Variants in CNTNAP5 observed in about 807,000 individuals in gnomAD.
The protein encoded by CNTNAP5 is contactin associated protein family member 5.
Under a neutral mutation model 150.2 loss-of-function variants are expected in CNTNAP5, and 72 were observed. The ratio of observed to expected loss-of-function variants is 0.48; its 90% CI spans 0.40 to 0.58. CNTNAP5 has a LOEUF of 0.58. Among genes scored for constraint, CNTNAP5 ranks in the 20% least tolerant of loss-of-function variants. CNTNAP5 has a pLI of 0.00. For synonymous variants in CNTNAP5, 672 were observed against 619.8 expected (o/e 1.08, Z -1.25); for missense variants, 1,636 against 1,626.2 (o/e 1.01, Z -0.10).
At chr2:124,542,236 C>G (rs2104907408) in intron 10 of CNTNAP5, among the ~76,000 whole-genome samples, 1 of 150,238 alleles carries the variant, frequency 6.7e-6, no homozygotes, top group Non-Finnish European at 1.5e-5. Flanking sequence ...CTATTTTTAC[C>G]TCCTACTATA....
intron 10 of CNTNAP5, among the ~76,000 whole-genome samples, chr2:124,541,179 A>ATTTTTTTTTTTTGTTTTTTTTT (rs1695374130): frequency 1.2e-5 from 1 of 83,082 alleles, no homozygotes; most frequent in Non-Finnish European, 2.3e-5. Context: ...CAAAATTCCG[A>ATTTTTTTTTTTTGTTTTTTTTT]TTTTTTTTTT....
At chr2:124,248,229 C>T (rs1191366609) in intron 3 of CNTNAP5, among the ~76,000 whole-genome samples, 1 of 152,132 alleles carries the variant, frequency 6.6e-6, no homozygotes, top group Non-Finnish European at 1.5e-5. Context: ...TTTCTCCCTA[C>T]CCAGGGCAGG....
In CNTNAP5 at chr2:124,828,735, C is replaced by CAAAAA. The variant is rs60339676; in HGVS notation, c.3217+30448_3217+30452dup. Reference sequence around the variant, plus strand: ...CCTTGCAGACCAATGCAAGTGTTGGCAAAAAAAAAAAAAAAAAAAAAAAAA... The same window carrying CAAAAA: ...CCTTGCAGACCAATGCAAGTGTTGGCAAAAAAAAAAAAAAAAAAAAAAAAAAAAAA... On this transcript the variant is annotated intron_variant, in intron 19 of 23. Transcript: ENST00000682447. 5.2e-4 allele frequency among the ~76,000 whole-genome samples: 12 copies of CAAAAA among 23,112 alleles called. 2 individuals are homozygous for CAAAAA. The highest frequency in any genetic ancestry group is 7.6e-4 in the Non-Finnish European group (9 of 11,862). 15.2% of individuals were successfully genotyped at this position (23,112 alleles called of 152,430 possible).
chr2:124,826,234 A>C (rs556861667), intron 19 of CNTNAP5, among the ~76,000 whole-genome samples: 5 of 152,296 alleles, frequency 3.3e-5, no homozygotes, highest in Non-Finnish European at 7.3e-5. Context: ...ACCTTTCCAA[A>C]GTATTTGTCT....
intron 6 of CNTNAP5, among the ~76,000 whole-genome samples, chr2:124,455,239 A>T (rs994471076): frequency 2.6e-5 from 4 of 152,192 alleles, no homozygotes; most frequent in Non-Finnish European, 5.9e-5. Context: ...CACCACAGAG[A>T]TACAAAAGAT....
chr2:124,522,644 G>C (rs1181175735), intron 8 of CNTNAP5, among the ~76,000 whole-genome samples: 2 of 152,178 alleles, frequency 1.3e-5, no homozygotes, highest in Admixed American at 1.3e-4. Context: ...AATTGGTTTG[G>C]GAAAAGTGCT....
At chr2:124,204,258 T>G (rs1281702941) in intron 1 of CNTNAP5, among the ~76,000 whole-genome samples, 2 of 152,130 alleles carry the variant, frequency 1.3e-5, no homozygotes, top group Non-Finnish European at 2.9e-5. Context: ...AAGATTCACC[T>G]TTTCTCCAGT....
At chr2:124,216,217 T>C (rs1176187769) in intron 1 of CNTNAP5, among the ~76,000 whole-genome samples, 1 of 152,110 alleles carries the variant, frequency 6.6e-6, no homozygotes, top group Admixed American at 6.5e-5. Context: ...TCTGGGGGGA[T>C]GATGGGAGCT....
chr2:124,534,248 G>A lies in CNTNAP5; in HGVS notation c.1649+6792G>A, dbSNP rs142332089. 5.8e-3 allele frequency among the ~76,000 whole-genome samples: 876 copies of A among 152,222 alleles called. 12 individuals are homozygous for A. Among genetic ancestry groups the A allele is most frequent in the African/African-American group, 0.02 (816 of 41,550 alleles). On this transcript the variant is annotated intron_variant, in intron 10 of 23. Transcript: ENST00000682447. ...GTCCTGATCCAAACCTCCAGAGAGAGTTCTTGGATCTCGCGCAATAAAAAA... is the reference window on the plus strand; with the variant it reads ...GTCCTGATCCAAACCTCCAGAGAGAATTCTTGGATCTCGCGCAATAAAAAA...
chr2:124,506,904 C>G (rs1446447840), intron 8 of CNTNAP5, among the ~76,000 whole-genome samples: 1 of 152,100 alleles, frequency 6.6e-6, no homozygotes, highest in African/African-American at 2.4e-5. Context: ...CACTCATGTG[C>G]TCAGGAAGGC....
At chr2:124,349,011 G>A (rs989499399) in intron 3 of CNTNAP5, among the ~76,000 whole-genome samples, 1 of 151,976 alleles carries the variant, frequency 6.6e-6, no homozygotes, top group Non-Finnish European at 1.5e-5. Context: ...CCAATTTTTG[G>A]CATCTTTAAA....
chr2:124,548,687 T>C (rs1385376853), intron 10 of CNTNAP5, among the ~76,000 whole-genome samples: 1 of 152,110 alleles, frequency 6.6e-6, no homozygotes, highest in Non-Finnish European at 1.5e-5. Flanking sequence ...ACACAGTCTA[T>C]GACTGTGTCA....
intron 1 of CNTNAP5, among the ~76,000 whole-genome samples, chr2:124,148,656 A>G (rs1339686775): frequency 1.3e-5 from 2 of 149,924 alleles, no homozygotes; most frequent in Non-Finnish European, 3.0e-5. Context: ...ATATATATAT[A>G]TCCACTAATG....
intron 3 of CNTNAP5, among the ~76,000 whole-genome samples, chr2:124,349,874 C>CTTTTTTTTTTTTTTTTTTTT (rs70996061): frequency 4.9e-5 from 4 of 81,840 alleles, no homozygotes; most frequent in Admixed American, 1.8e-4. Context: ...CTGGCTATTT[C>CTTTTTTTTTTTTTTTTTTTT]TTTTTTTTTT....
intron 2 of CNTNAP5, among the ~76,000 whole-genome samples, chr2:124,226,060 A>G (rs1337083928): frequency 1.3e-5 from 2 of 152,174 alleles, no homozygotes; most frequent in Non-Finnish European, 2.9e-5. Context: ...GCTATGACTA[A>G]TGCTGCAATG....
At chr2:124,127,123 C>T (rs1683725588) in intron 1 of CNTNAP5, among the ~76,000 whole-genome samples, 1 of 152,106 alleles carries the variant, frequency 6.6e-6, no homozygotes, top group African/African-American at 2.4e-5. Flanking sequence ...TCAAATTGTC[C>T]CTGTTTGCAG....
rs1317530843 is a variant in CNTNAP5, at chr2:124,586,457, G to T, written c.1756+23134G>T. On this transcript the variant is annotated intron_variant, in intron 11 of 23. Coordinates refer to ENST00000682447, the MANE Select transcript of CNTNAP5 (RefSeq NM_001367498.1). ...GCAGGACACATGATTTTACCTCTCT[G>T]AGCTTCAGGTTGAGTTGCTTTCCTG... 2.0e-5 allele frequency among the ~76,000 whole-genome samples: 3 copies of T among 152,186 alleles called. No homozygotes were observed. In the East Asian group the frequency reaches 5.8e-4, roughly 29 times the overall value.
At chr2:124,855,275 T>G (rs868219473) in intron 19 of CNTNAP5, among the ~76,000 whole-genome samples, 1 of 146,936 alleles carries the variant, frequency 6.8e-6, no homozygotes, top group African/African-American at 2.5e-5. Context: ...CCTCCCAGGT[T>G]CAAGCAATTG....
At chr2:124,823,319 A>G (rs921663965) in intron 19 of CNTNAP5, among the ~76,000 whole-genome samples, 1 of 152,120 alleles carries the variant, frequency 6.6e-6, no homozygotes, top group African/African-American at 2.4e-5. Flanking sequence ...GCCATTCACT[A>G]TATATTTACA....
Sources: gnomAD v4.1 joint callset for allele counts (sites outside exome capture counted in the v4.1 genomes callset) on GRCh38, gnomAD v4.1.1 for gene constraint, MANE v1.5 for transcripts, NCBI Gene and HGNC (gene_info 2026-07-23, HGNC 2026-07-21) for gene names.